MAPK1IP1L: variants seen among roughly 807,000 people sequenced by gnomAD.
MAPK1IP1L encodes MAPK-interacting and spindle-stabilizing protein-like.
Under a neutral mutation model 18.1 loss-of-function variants are expected in MAPK1IP1L, and 10 were observed. The ratio of observed to expected loss-of-function variants is 0.55; its 90% CI spans 0.34 to 0.94. The LOEUF (loss-of-function observed/expected upper bound fraction) is 0.94. MAPK1IP1L is among the 40% of genes least tolerant of loss of function. MAPK1IP1L has a pLI of 0.02. For missense variants in MAPK1IP1L, 260 were observed against 318.2 expected, an observed-to-expected ratio of 0.82 and a Z score of 1.39; for synonymous variants, 115 against 117.3, an observed-to-expected ratio of 0.98 and a Z score of 0.13.
intron 1 of MAPK1IP1L, among the ~76,000 whole-genome samples, chr14:55,052,608 T>G (rs1394711535): frequency 2.0e-5 from 3 of 152,196 alleles, no homozygotes; most frequent in African/African-American, 7.2e-5. Context: ...TTTTTTAGTT[T>G]TACTACTAGA....
Position 55,062,867 on chromosome 14 carries a change from C to G in MAPK1IP1L, c.268C>G (p.Pro90Ala). The change falls in exon 3 of 4, where the codon CCT becomes GCT. Residue 90 changes from proline to alanine, a missense_variant. Transcript: ENST00000395468. ...PPPGPPAPFPPSGPSCPPPGG... is the reference protein window; with the variant it reads ...PPPGPPAPFPASGPSCPPPGG... ...TCCAGGACCCCCAGCACCCTTTCCT[C>G]CTTCCGGACCATCATGTCCCCCACC... 2.5e-6 allele frequency: 4 copies of G among 1,614,160 alleles called. No homozygotes were observed. The highest frequency in any genetic ancestry group is 3.4e-6 in the Non-Finnish European group (4 of 1,180,032).
chr14:55,059,806 G>A (rs1399987201), intron 1 of MAPK1IP1L, among the ~76,000 whole-genome samples: 1 of 151,950 alleles, frequency 6.6e-6, no homozygotes, highest in Non-Finnish European at 1.5e-5. Flanking sequence ...GTGAGGTGGT[G>A]CACAGTACAC....
Position 55,051,782 on chromosome 14 carries a change from C to T in MAPK1IP1L, c.-26C>T, listed in dbSNP as rs757738963. 1 of 503,704 alleles carries T rather than the reference C, an allele frequency of 2.0e-6. No individual in the cohort carries two copies. The highest frequency in any genetic ancestry group is 2.0e-5 in the African/African-American group (1 of 49,800). The allele number at this position is 503,704 out of a possible 1,614,324, so 31.2% of individuals were successfully genotyped here. On this transcript the variant is annotated 5_prime_UTR_variant, in exon 1 of 4. Transcript: ENST00000395468. ...GACCCATCGCCGCTTCTAGACCCTACTGCGGTCTCGGATATTGCCGGGTGA... is the reference window on the plus strand; with the variant it reads ...GACCCATCGCCGCTTCTAGACCCTATTGCGGTCTCGGATATTGCCGGGTGA...
At position 55,061,584 on chromosome 14, in the gene MAPK1IP1L, A is replaced by T. The variant is rs568935502; in HGVS notation, c.-4-96A>T. On this transcript the variant is annotated intron_variant, in intron 1 of 3. Coordinates refer to ENST00000395468, the MANE Select transcript of MAPK1IP1L (RefSeq NM_144578.4). ...ATAAGATTCCGCTTAAGTAATAATA[A>T]TGTATGCATAGAAAGTTCCTTAAGG... The T allele has an allele frequency of 1.3e-4, 103 of 791,674 alleles. No individual in the cohort carries two copies. The African/African-American group carries it at 1.6e-3, about 13-fold the overall frequency. The allele number at this position is 791,674 out of a possible 1,614,324, so 49.0% of individuals were successfully genotyped here. A position where few individuals can be genotyped will look rare whatever the true frequency, so the allele number is the denominator to read the frequency against.
At position 55,067,598 on chromosome 14, in the gene MAPK1IP1L, T is replaced by A. The variant is rs996331405; in HGVS notation, c.*2971T>A. The A allele has an allele frequency of 6.6e-6, 1 of 151,810 alleles. No individual in the cohort carries two copies. The highest frequency in any genetic ancestry group is 1.5e-5 in the Non-Finnish European group (1 of 67,984). The allele number at this position is 151,810 out of a possible 1,614,324, so 9.4% of individuals were successfully genotyped here. ...TTTGTATTTTTAGTAGAGACGGGGG[T>A]TTCACCATGTTGGCCAGGGTGGTCT... On this transcript the variant is annotated 3_prime_UTR_variant, in exon 4 of 4. Coordinates refer to ENST00000395468, the MANE Select transcript of MAPK1IP1L (RefSeq NM_144578.4).
intron 1 of MAPK1IP1L, among the ~76,000 whole-genome samples, chr14:55,057,189 A>G (rs774071546): frequency 2.6e-5 from 4 of 152,254 alleles, no homozygotes; most frequent in African/African-American, 7.2e-5. Context: ...TGTGCCCACT[A>G]TCACTCAACA....
chr14:55,060,168 T>A (rs1483399933), intron 1 of MAPK1IP1L, among the ~76,000 whole-genome samples: 1 of 113,014 alleles, frequency 8.8e-6, no homozygotes, highest in Non-Finnish European at 1.8e-5. Context: ...TTTTTTTTTT[T>A]TTTTTTTTTT....
At chr14:55,059,197 G>GA (rs2042794967) in intron 1 of MAPK1IP1L, among the ~76,000 whole-genome samples, 1 of 29,616 alleles carries the variant, frequency 3.4e-5, no homozygotes, top group Admixed American at 4.0e-4. Context: ...TAACGATCTG[G>GA]AAAAAATAAA....
rs17128145 is a variant in MAPK1IP1L, at chr14:55,069,688, T to G, written c.*5061T>G. 0.4 allele frequency: 60,084 copies of G among 151,960 alleles called. 12,512 individuals are homozygous for G. The highest frequency in any genetic ancestry group is 0.48 in the African/African-American group (20,029 of 41,428). The allele number at this position is 151,960 out of a possible 1,614,324, so 9.4% of individuals were successfully genotyped here. ...CTCTTTGCATGTGACCTGCATTCAC[T>G]AAGGATATCTGGAAACCACCCTTCC... is the stretch of plus-strand genomic sequence containing the variant. On this transcript the variant is annotated 3_prime_UTR_variant, in exon 4 of 4. Coordinates refer to ENST00000395468, the MANE Select transcript of MAPK1IP1L (RefSeq NM_144578.4).
intron 1 of MAPK1IP1L, among the ~76,000 whole-genome samples, chr14:55,052,988 C>T (rs2042742624): frequency 6.6e-6 from 1 of 152,178 alleles, no homozygotes; most frequent in African/African-American, 2.4e-5. Context: ...CAGAGTGGGG[C>T]ACCCCATAAT....
chr14:55,060,941 G>A (rs751377210), intron 1 of MAPK1IP1L, among the ~76,000 whole-genome samples: 10 of 152,222 alleles, frequency 6.6e-5, no homozygotes, highest in South Asian at 4.1e-4. Flanking sequence ...GTTTGAGACC[G>A]GGTCTGGGCA....
chr14:55,057,206 T>G (rs1448780822), intron 1 of MAPK1IP1L, among the ~76,000 whole-genome samples: 3 of 152,250 alleles, frequency 2.0e-5, no homozygotes, highest in Non-Finnish European at 4.4e-5. Flanking sequence ...AACATTTCAT[T>G]ATTTAAGTCC....
intron 1 of MAPK1IP1L, among the ~76,000 whole-genome samples, chr14:55,058,479 A>T (rs1012342458): frequency 2.6e-5 from 4 of 152,224 alleles, no homozygotes; most frequent in African/African-American, 9.6e-5. Flanking sequence ...TCAAGAAAAT[A>T]AACTACATGA....
rs374959901 is a variant in MAPK1IP1L, at chr14:55,064,651, C to T, written c.*24C>T. 6.2e-6 allele frequency: 10 copies of T among 1,610,314 alleles called. No individual in the cohort carries two copies. Among genetic ancestry groups the T allele is most frequent in the African/African-American group, 5.3e-5 (4 of 74,772 alleles). The stretch of plus-strand genomic sequence containing the variant: ...AAGTTAACAATGGACGAAGAGATGA[C>T]GCTTTGCTTTTTGAAGTACATGTAT... On this transcript the variant is annotated 3_prime_UTR_variant, in exon 4 of 4. Coordinates refer to ENST00000395468, the MANE Select transcript of MAPK1IP1L (RefSeq NM_144578.4).
chr14:55,065,446 C>A lies in MAPK1IP1L; in HGVS notation c.*819C>A, dbSNP rs1028817844. 2.6e-5 allele frequency: 4 copies of A among 152,086 alleles called. No homozygotes were observed. Among genetic ancestry groups the A allele is most frequent in the African/African-American group, 7.2e-5 (3 of 41,398 alleles). The allele number at this position is 152,086 out of a possible 1,614,324, so 9.4% of individuals were successfully genotyped here. On this transcript the variant is annotated 3_prime_UTR_variant, in exon 4 of 4. Transcript: ENST00000395468. ...AAATAATTCTCTCCTTTGTTTTGAACCTCAAACTAGATAAACCCTAGGAAT... is the reference window on the plus strand; with the variant it reads ...AAATAATTCTCTCCTTTGTTTTGAAACTCAAACTAGATAAACCCTAGGAAT...
At chr14:55,057,185 C>T (rs999871812) in intron 1 of MAPK1IP1L, among the ~76,000 whole-genome samples, 3 of 152,148 alleles carry the variant, frequency 2.0e-5, no homozygotes, top group African/African-American at 7.2e-5. Context: ...CCTCTGTGCC[C>T]ACTATCACTC....
At chr14:55,059,621 G>A (rs989638160) in intron 1 of MAPK1IP1L, among the ~76,000 whole-genome samples, 2 of 152,134 alleles carry the variant, frequency 1.3e-5, no homozygotes, top group Non-Finnish European at 2.9e-5. Context: ...AATGAAGGAG[G>A]CTCTATAGCC....
intron 1 of MAPK1IP1L, among the ~76,000 whole-genome samples, chr14:55,053,662 C>T (rs1340060597): frequency 6.6e-6 from 1 of 152,294 alleles, no homozygotes; most frequent in East Asian, 1.9e-4. Flanking sequence ...TCGCTATATT[C>T]TAACCCATCT....
At chr14:55,054,453 ATT>A (rs2042755275) in intron 1 of MAPK1IP1L, among the ~76,000 whole-genome samples, 1 of 152,054 alleles carries the variant, frequency 6.6e-6, no homozygotes, top group African/African-American at 2.4e-5. Context: ...ATTAATTTAT[ATT>A]TTCAGTACGA....
Sources: gnomAD v4.1 joint callset for allele counts (sites outside exome capture counted in the v4.1 genomes callset) on GRCh38, gnomAD v4.1.1 for gene constraint, MANE v1.5 for transcripts, NCBI Gene and HGNC (gene_info 2026-07-23, HGNC 2026-07-21) for gene names.